Variants in DMD observed in about 807,000 individuals in gnomAD.
DMD encodes mutant dystrophin.
DMD carries 63 observed loss-of-function variants against 330.1 expected under a neutral mutation model. That is an observed-to-expected ratio of 0.19 (90% CI 0.16 to 0.24). The LOEUF is 0.24. DMD is among the 10% of genes least tolerant of loss of function. The pLI is 1.00. For synonymous variants in DMD, 1,223 were observed against 959.8 expected, an observed-to-expected ratio of 1.27 and a Z score of -5.07; for missense variants, 3,344 against 2,684.1, an observed-to-expected ratio of 1.25 and a Z score of -5.43.
intron 13 of DMD, among the ~76,000 whole-genome samples, chrX:32,592,613 T>C (rs1271997047): frequency 8.9e-6 from 1 of 112,032 alleles, no homozygotes; most frequent in Non-Finnish European, 1.9e-5. Flanking sequence ...TCATTCTTCC[T>C]GGACATGGGA....
chrX:32,330,386 G>A (rs2097673268), intron 41 of DMD, among the ~76,000 whole-genome samples: 1 of 111,755 alleles, frequency 8.9e-6, no homozygotes, highest in African/African-American at 3.2e-5. Context: ...CTCAGAATAT[G>A]TTCCATACAA....
At chrX:32,589,002 G>C (rs916113041) in intron 13 of DMD, among the ~76,000 whole-genome samples, 1 of 111,602 alleles carries the variant, frequency 9.0e-6, no homozygotes, top group Non-Finnish European at 1.9e-5. Context: ...GTGTTCAGAA[G>C]ATAATTAGAA....
chrX:31,441,348 C>T (rs908124323), intron 60 of DMD, among the ~76,000 whole-genome samples: 20 of 111,482 alleles, frequency 1.8e-4, no homozygotes, highest in Non-Finnish European at 3.2e-4. Context: ...AGGCACGCAC[C>T]ACCACACCCA....
Position 31,121,803 on chromosome X carries a change from A to G in DMD, c.*116T>C. The G allele has an allele frequency of 1.0e-6, 1 of 991,934 alleles. No homozygotes were observed. Among genetic ancestry groups the G allele is most frequent in the Non-Finnish European group, 1.4e-6 (1 of 695,539 alleles). The allele number at this position is 991,934 out of a possible 1,213,427, so 81.7% of individuals were successfully genotyped here. On this transcript the variant is annotated 3_prime_UTR_variant, in exon 79 of 79. Coordinates refer to ENST00000357033, the MANE Select transcript of DMD (RefSeq NM_004006.3). ...TCTTTGTTGTATGAATATTATAAAA[A>G]CCATGCGGGAATCAGGAGTTGTAAA...
At chrX:31,290,407 T>C (rs2147983482) in intron 62 of DMD, among the ~76,000 whole-genome samples, 1 of 111,374 alleles carries the variant, frequency 9.0e-6, no homozygotes, top group Non-Finnish European at 1.9e-5. Context: ...ATAACAAATA[T>C]AATTGTCACA....
intron 55 of DMD, among the ~76,000 whole-genome samples, chrX:31,520,679 TTTC>T (rs1486376497): frequency 5.4e-5 from 6 of 110,915 alleles, no homozygotes; most frequent in South Asian, 3.9e-4. Flanking sequence ...GCAATGTTCT[TTTC>T]TTCTTCTTTT....
At chrX:31,511,312 T>TTTTATTTA (rs763976919) in intron 55 of DMD, among the ~76,000 whole-genome samples, 2 of 100,099 alleles carry the variant, frequency 2.0e-5, no homozygotes, top group Admixed American at 1.1e-4. Context: ...ACTCATCATT[T>TTTTATTTA]TTTATTTATT....
At chrX:31,997,520 A>G (rs2095596573) in intron 44 of DMD, among the ~76,000 whole-genome samples, 1 of 109,842 alleles carries the variant, frequency 9.1e-6, no homozygotes, top group Non-Finnish European at 1.9e-5. Flanking sequence ...TCACCTGAGT[A>G]AATTAAGGAT....
intron 62 of DMD, among the ~76,000 whole-genome samples, chrX:31,314,979 G>A (rs896427129): frequency 1.8e-5 from 2 of 111,104 alleles, no homozygotes; most frequent in Non-Finnish European, 3.8e-5. Context: ...TCCCAAAGAA[G>A]AGAGAGGCAG....
At chrX:32,858,283 T>C (rs2081760500) in intron 2 of DMD, among the ~76,000 whole-genome samples, 1 of 111,961 alleles carries the variant, frequency 8.9e-6, no homozygotes, top group Non-Finnish European at 1.9e-5. Context: ...TTCCTAGAGA[T>C]TTTGCCTTCT....
At chrX:33,016,466 C>T (rs1234728430) in intron 2 of DMD, among the ~76,000 whole-genome samples, 3 of 111,102 alleles carry the variant, frequency 2.7e-5, no homozygotes, top group Non-Finnish European at 5.7e-5. Flanking sequence ...GAAATAAAAA[C>T]TCTCTCCTTT....
chrX:32,856,411 G>A (rs1437978842), intron 2 of DMD, among the ~76,000 whole-genome samples: 6 of 111,898 alleles, frequency 5.4e-5, no homozygotes, highest in Admixed American at 9.5e-5. Context: ...AGCAATCCAA[G>A]TATCCATTAA....
At chrX:32,653,548 T>C (rs1293086590) in intron 9 of DMD, among the ~76,000 whole-genome samples, 1 of 112,071 alleles carries the variant, frequency 8.9e-6, no homozygotes, top group Non-Finnish European at 1.9e-5. Context: ...CCATGCTGTT[T>C]TGGTTACTGT....
chrX:31,734,515 T>C (rs1234897297), intron 51 of DMD, among the ~76,000 whole-genome samples: 1 of 111,692 alleles, frequency 9.0e-6, no homozygotes, highest in Non-Finnish European at 1.9e-5. Context: ...CTTTTTTAAG[T>C]TGAAATAGTT....
At chrX:32,665,071 C>A (rs1255912125) in intron 9 of DMD, among the ~76,000 whole-genome samples, 2 of 112,175 alleles carry the variant, frequency 1.8e-5, no homozygotes, top group Non-Finnish European at 3.8e-5. Context: ...TTAGGTAGTA[C>A]ATATAAGGAA....
chrX:32,926,569 G>A (rs1203352040), intron 2 of DMD, among the ~76,000 whole-genome samples: 2 of 110,320 alleles, frequency 1.8e-5, no homozygotes, highest in Admixed American at 9.7e-5. Flanking sequence ...GGGCAACATA[G>A]TGAAACCCCG....
intron 43 of DMD, among the ~76,000 whole-genome samples, chrX:32,250,084 T>C (rs1425081823): frequency 8.9e-6 from 1 of 112,039 alleles, no homozygotes; most frequent in Non-Finnish European, 1.9e-5. Context: ...AGAAAGTATG[T>C]GTTTATTTTC....
chrX:31,854,457 ACT>A (rs1209670663), intron 48 of DMD, among the ~76,000 whole-genome samples: 3 of 111,849 alleles, frequency 2.7e-5, no homozygotes, highest in Non-Finnish European at 3.8e-5. Flanking sequence ...AAGTGCAAAC[ACT>A]CTGCTATGCA....
intron 55 of DMD, among the ~76,000 whole-genome samples, chrX:31,540,136 T>C (rs375368576): frequency 5.3e-5 from 6 of 112,432 alleles, no homozygotes; most frequent in African/African-American, 1.9e-4. Context: ...ATCGATATTC[T>C]AAAATAAGTA....
Sources: allele counts gnomAD v4.1 joint callset (sites outside exome capture counted in the v4.1 genomes callset), GRCh38; gene constraint gnomAD v4.1.1; transcripts MANE v1.5; gene names NCBI Gene and HGNC (gene_info 2026-07-23, HGNC 2026-07-21).